Variants in LAMA1 observed in about 807,000 individuals in gnomAD.
The protein encoded by LAMA1 is laminin subunit alpha-1.
Under a neutral mutation model 348.7 loss-of-function variants are expected in LAMA1, and 219 were observed. The ratio of observed to expected loss-of-function variants is 0.63; its 90% CI spans 0.56 to 0.70. The LOEUF is 0.70. LAMA1 is among the 30% of genes least tolerant of loss of function. LAMA1 has a pLI of 0.00. For synonymous variants in LAMA1, 1,487 were observed against 1,491.0 expected, an observed-to-expected ratio of 1.00 and a Z score of 0.06; for missense variants, 3,744 against 3,888.0, an observed-to-expected ratio of 0.96 and a Z score of 0.99.
intron 3 of LAMA1, among the ~76,000 whole-genome samples, chr18:7,074,707 T>G (rs2058159781): frequency 6.6e-6 from 1 of 152,124 alleles, no homozygotes; most frequent in African/African-American, 2.4e-5. Context: ...TTCCTATGAA[T>G]TTTTTAAAAG....
At chr18:7,027,804 G>A (rs770438147) in intron 16 of LAMA1, among the ~76,000 whole-genome samples, 25 of 152,194 alleles carry the variant, frequency 1.6e-4, no homozygotes, top group African/African-American at 4.6e-4. Context: ...TTAGCCGGGC[G>A]TGGTGGTGTG....
rs2058008640 is a variant in LAMA1 at position 7,038,958 on chromosome 18, T to G, written c.1423-8A>C. 6.2e-7 allele frequency: 1 copy of G among 1,611,424 alleles called. No homozygotes were observed. ...CTTCCCCTCAACGTTTTCCTGTAAG[T>G]TAGGGTAAAAGATTAGCTTTTGAAA... On this transcript the variant is annotated splice_polypyrimidine_tract_variant and splice_region_variant and intron_variant, in intron 10 of 62. Transcript: ENST00000389658.
At chr18:6,972,725 T>C (rs1394386848) in intron 47 of LAMA1, among the ~76,000 whole-genome samples, 1 of 152,230 alleles carries the variant, frequency 6.6e-6, no homozygotes, top group Non-Finnish European at 1.5e-5. Flanking sequence ...GTTTTGCTCC[T>C]GTTGCCCAGG....
intron 3 of LAMA1, among the ~76,000 whole-genome samples, chr18:7,073,940 T>C (rs2058156479): frequency 7.7e-6 from 1 of 130,242 alleles, no homozygotes. Flanking sequence ...GTTCAAGCTA[T>C]TCCCCTGCCT....
intron 1 of LAMA1, among the ~76,000 whole-genome samples, chr18:7,089,986 C>T (rs1301396317): frequency 6.6e-6 from 1 of 152,164 alleles, no homozygotes; most frequent in Non-Finnish European, 1.5e-5. Flanking sequence ...TATACATGAA[C>T]ATGCGTTCCC....
At chr18:6,983,991 A>G (rs2057723340) in intron 39 of LAMA1, among the ~76,000 whole-genome samples, 1 of 120,994 alleles carries the variant, frequency 8.3e-6, no homozygotes, top group African/African-American at 2.8e-5. Flanking sequence ...AATAAAAGAT[A>G]ATTATTTAAC....
At chr18:6,991,389 CTTTTTTTTT>C (rs34001050) in intron 36 of LAMA1, among the ~76,000 whole-genome samples, 7 of 118,478 alleles carry the variant, frequency 5.9e-5, no homozygotes, top group Non-Finnish European at 1.2e-4. Flanking sequence ...ACTTCTTCTT[CTTTTTTTTT>C]TTTTTTTTTT....
intron 3 of LAMA1, among the ~76,000 whole-genome samples, chr18:7,074,259 C>T (rs150044758): frequency 2.2e-4 from 33 of 152,268 alleles, no homozygotes; most frequent in African/African-American, 7.9e-4. Flanking sequence ...TATAGCAATC[C>T]TAATGGGTGT....
chr18:6,975,488 T>C (rs575427528), intron 45 of LAMA1, among the ~76,000 whole-genome samples: 6 of 152,366 alleles, frequency 3.9e-5, no homozygotes, highest in Admixed American at 1.3e-4. Flanking sequence ...TTTCAGATAC[T>C]ATATGTGCCC....
chr18:7,076,565 C>CAAA (rs1316390490), intron 3 of LAMA1, among the ~76,000 whole-genome samples: 1 of 150,824 alleles, frequency 6.6e-6, no homozygotes, highest in East Asian at 1.9e-4. Flanking sequence ...TTCATATATT[C>CAAA]AATAGCATTT....
In LAMA1 at chr18:6,985,431, T is replaced by C. The variant is rs771071439; in HGVS notation, c.5497-31A>G. The C allele has an allele frequency of 9.3e-6, 15 of 1,611,796 alleles. No homozygotes were observed. The South Asian group carries it at 1.5e-4, about 17-fold the overall frequency. Reference sequence around the variant, plus strand: ...TGGAGAAATTAATATTGTAAATATATGCACATCTACTTAATAACAGATATG... The same window carrying C: ...TGGAGAAATTAATATTGTAAATATACGCACATCTACTTAATAACAGATATG... On this transcript the variant is annotated intron_variant, in intron 38 of 62. Transcript: ENST00000389658.
At chr18:7,059,326 A>T (rs2058094209) in intron 3 of LAMA1, among the ~76,000 whole-genome samples, 1 of 152,212 alleles carries the variant, frequency 6.6e-6, no homozygotes. Flanking sequence ...AGGGGTTCTC[A>T]CTAGACTCAG....
Position 6,962,051 on chromosome 18 carries a change from A to C in LAMA1, c.7346T>G (p.Val2449Gly). Residue 2449 changes from valine to glycine, a missense_variant, in exon 52 of 63, where the codon GTC becomes GGC. Physicochemically the swap from Val to Gly is moderately radical, Grantham distance 109. Around this residue, in one of 3 missense-constraint regions of LAMA1, gnomAD observed 1,983 missense variants for 1,934.3 expected, o/e 1.03. Coordinates refer to ENST00000389658, the MANE Select transcript of LAMA1 (RefSeq NM_005559.4). ...LPRSRVVRRG[V>G]TTKSFVGCIK... ...GCAGCCCACAAAGCTTTTGGTGGTG[A>C]CACCTCTCCTGTAGGGAAGGGCATG... is the stretch of plus-strand genomic sequence containing the variant. 1 of 1,611,772 alleles carries C rather than the reference A, an allele frequency of 6.2e-7. No individual in the cohort carries two copies. The highest frequency in any genetic ancestry group is 8.5e-7 in the Non-Finnish European group (1 of 1,177,860).
Position 6,977,746 on chromosome 18 carries a change from G to A in LAMA1, c.6326C>T (p.Ala2109Val). Reference sequence around the variant, plus strand: ...ACTCACAGAAGCTGCTTGTTTGCGGGCCTGGCTGATCAACAGTTTAATTTC... The same window carrying A: ...ACTCACAGAAGCTGCTTGTTTGCGGACCTGGCTGATCAACAGTTTAATTTC... ...LSEIKLLISQ[A>V]RKQAASIKVA... Residue 2109 changes from alanine to valine, a missense_variant, in exon 44 of 63, where the codon GCC (alanine) becomes GTC (valine). By Grantham distance (64) the Ala-to-Val change is moderately conservative. This residue lies in a region of LAMA1 where 1,983 missense variants were observed against 1,934.3 expected (regional missense o/e 1.03). Coordinates refer to ENST00000389658, the MANE Select transcript of LAMA1 (RefSeq NM_005559.4). 1 of 1,614,104 alleles carries A rather than the reference G, an allele frequency of 6.2e-7. No homozygotes were observed. Among genetic ancestry groups the A allele is most frequent in the Non-Finnish European group, 8.5e-7 (1 of 1,180,014 alleles).
chr18:7,109,994 C>T (rs761166997), intron 1 of LAMA1, among the ~76,000 whole-genome samples: 18 of 152,092 alleles, frequency 1.2e-4, no homozygotes, highest in Non-Finnish European at 2.2e-4. Context: ...CCATCCTGGC[C>T]AACATGATAA....
rs761654843 is a variant in LAMA1 at position 7,080,419 on chromosome 18, G to C, written c.100C>G (p.His34Asp). 3.1e-6 allele frequency: 5 copies of C among 1,614,134 alleles called. No individual in the cohort carries two copies. The highest frequency in any genetic ancestry group is 1.1e-5 in the South Asian group (1 of 91,094). Reference protein sequence around the residue: ...PAILNLASNAHISTNATCGEK... With the variant: ...PAILNLASNADISTNATCGEK... The stretch of plus-strand genomic sequence containing the variant: ...CCACAGGTGGCATTGGTGCTGATGT[G>C]AGCATTGCTGGCAAGATTGAGAATG... The change falls in exon 2 of 63, where the codon CAC (histidine) becomes GAC (aspartate). Residue 34 changes from histidine (H) to aspartate (D), a missense_variant. Transcript: ENST00000389658.
At chr18:7,035,401 A>G (rs1409421779) in intron 13 of LAMA1, among the ~76,000 whole-genome samples, 1 of 152,148 alleles carries the variant, frequency 6.6e-6, no homozygotes, top group Non-Finnish European at 1.5e-5. Flanking sequence ...AGGTCAGAGC[A>G]AAAATTTGTC....
Position 6,942,247 on chromosome 18 carries a change from G to C in LAMA1, c.9068-8C>G. ...ATTTTTGCTTCACACCAGCTGTTCA[G>C]GAAAGAAGAGAAGACAAATCTTGCT... On this transcript the variant is annotated splice_region_variant and splice_polypyrimidine_tract_variant and intron_variant, in intron 62 of 62. Transcript: ENST00000389658. 1 of 1,613,788 alleles carries C rather than the reference G, an allele frequency of 6.2e-7. No individual in the cohort carries two copies. Among genetic ancestry groups the C allele is most frequent in the East Asian group, 2.2e-5 (1 of 44,880 alleles).
chr18:7,020,402 CA>C lies in LAMA1; in HGVS notation c.2701+2761del, dbSNP rs531127900. Reference sequence around the variant, plus strand: ...TGCTTTAGAGAAGGTCAATCACACACAACACCGGCACTTGCACTTGGTTTAA... The same window carrying C: ...TGCTTTAGAGAAGGTCAATCACACACACACCGGCACTTGCACTTGGTTTAA... On this transcript the variant is annotated intron_variant, in intron 19 of 62. Transcript: ENST00000389658. 2.7e-3 allele frequency among the ~76,000 whole-genome samples: 406 copies of C among 152,264 alleles called. 1 individual carries two copies. Among genetic ancestry groups the C allele is most frequent in the African/African-American group, 9.3e-3 (388 of 41,542 alleles).
Sources: gnomAD v4.1 joint callset for allele counts (sites outside exome capture counted in the v4.1 genomes callset) on GRCh38, gnomAD v4.1.1 for gene constraint, gnomAD v4.1.1 regional missense constraint, MANE v1.5 for transcripts, NCBI Gene and HGNC (gene_info 2026-07-23, HGNC 2026-07-21) for gene names.